The following CATSPERT variants were observed in gnomAD, a reference collection of about 807,000 sequenced individuals.
The protein encoded by CATSPERT is catsper channel auxiliary subunit tau.
chr2:201,591,572 G>A, the CATSPERT span, among the ~76,000 whole-genome samples: 1 of 152,134 alleles, frequency 6.6e-6, no homozygotes, highest in Non-Finnish European at 1.5e-5. Flanking sequence ...AAATTACCTT[G>A]GGCAGTATGG....
the CATSPERT span, among the ~76,000 whole-genome samples, chr2:201,514,667 G>C: frequency 6.6e-6 from 1 of 152,190 alleles, no homozygotes; most frequent in African/African-American, 2.4e-5. Context: ...TCATTGAACT[G>C]TCCACATAAA....
the CATSPERT span, among the ~76,000 whole-genome samples, chr2:201,582,519 A>T: frequency 6.6e-6 from 1 of 152,144 alleles, no homozygotes; most frequent in Non-Finnish European, 1.5e-5. Context: ...TCTCTTTTTA[A>T]CACTACACAA....
the CATSPERT span, among the ~76,000 whole-genome samples, chr2:201,563,411 G>T: frequency 9.2e-6 from 1 of 108,984 alleles, no homozygotes; most frequent in Non-Finnish European, 2.0e-5. Flanking sequence ...CTGGCCGGGC[G>T]GGGGGCTGAC....
chr2:201,579,619 T>G, the CATSPERT span, among the ~76,000 whole-genome samples: 1 of 152,108 alleles, frequency 6.6e-6, no homozygotes, highest in South Asian at 2.1e-4. Flanking sequence ...GAATCTGTAT[T>G]CAGTCAAATG....
chr2:201,555,416 G>A, the CATSPERT span: 2 of 152,198 alleles, frequency 1.3e-5, no homozygotes, highest in Non-Finnish European at 2.9e-5. Context: ...TCAGGAGGCT[G>A]AGGCACAAGA....
At chr2:201,542,895 C>T in the CATSPERT span, among the ~76,000 whole-genome samples, 1 of 151,986 alleles carries the variant, frequency 6.6e-6, no homozygotes, top group East Asian at 1.9e-4. Flanking sequence ...TTGCCTGTGC[C>T]TTTGGTGTCT....
the CATSPERT span, among the ~76,000 whole-genome samples, chr2:201,513,225 G>A: frequency 1.3e-5 from 2 of 151,990 alleles, no homozygotes; most frequent in African/African-American, 4.8e-5. Flanking sequence ...TATAAGGAAT[G>A]TAAACAATTG....
chr2:201,588,598 C>CTTTT, the CATSPERT span, among the ~76,000 whole-genome samples: 1 of 141,644 alleles, frequency 7.1e-6, no homozygotes, highest in Non-Finnish European at 1.5e-5. Context: ...GTTCCCTACT[C>CTTTT]TTTTTTTTTT....
At chr2:201,535,953 C>A in the CATSPERT span, 2 of 1,589,910 alleles carry the variant, frequency 1.3e-6, no homozygotes, top group Non-Finnish European at 8.6e-7. Context: ...GTTTTGCCAG[C>A]TAATTTCTGT....
At chr2:201,611,760 A>T in the CATSPERT span, among the ~76,000 whole-genome samples, 1 of 152,194 alleles carries the variant, frequency 6.6e-6, no homozygotes, top group Non-Finnish European at 1.5e-5. Flanking sequence ...GATGAATGCT[A>T]GTATCCCTAA....
At chr2:201,580,879 C>T in the CATSPERT span, among the ~76,000 whole-genome samples, 2 of 152,156 alleles carry the variant, frequency 1.3e-5, no homozygotes, top group African/African-American at 2.4e-5. Context: ...AAATCTTTGG[C>T]TAACCTCTAA....
the CATSPERT span, among the ~76,000 whole-genome samples, chr2:201,541,469 A>C: frequency 1.3e-5 from 2 of 148,558 alleles, no homozygotes; most frequent in Non-Finnish European, 3.0e-5. Context: ...CCCAGCCATT[A>C]AGATCAAGGC....
chr2:201,573,210 G>A, the CATSPERT span, among the ~76,000 whole-genome samples: 4 of 152,170 alleles, frequency 2.6e-5, no homozygotes, highest in Non-Finnish European at 4.4e-5. Context: ...AGGATATAAT[G>A]AGAGAAAAGG....
chr2:201,526,944 CAAA>C, the CATSPERT span, among the ~76,000 whole-genome samples: 1 of 152,170 alleles, frequency 6.6e-6, no homozygotes, highest in East Asian at 1.9e-4. Context: ...AAAATGCATC[CAAA>C]AAGGAAGTGA....
At chr2:201,590,952 A>G in the CATSPERT span, among the ~76,000 whole-genome samples, 188 of 152,126 alleles carry the variant, frequency 1.2e-3, no homozygotes, top group South Asian at 8.5e-3. Context: ...CTCTGATGGT[A>G]GTTTCTTTTG....
the CATSPERT span, chr2:201,536,053 T>C: frequency 3.7e-6 from 6 of 1,613,036 alleles, no homozygotes; most frequent in South Asian, 6.6e-5. Flanking sequence ...TTTAAAATGC[T>C]TGGATAGTTA....
chr2:201,494,987 T>C, the CATSPERT span, among the ~76,000 whole-genome samples: 402 of 152,280 alleles, frequency 2.6e-3, 3 homozygotes, highest in African/African-American at 8.9e-3. Context: ...TGTGTCCAAG[T>C]GCTTTTTGCT....
At chr2:201,570,232 T>G in the CATSPERT span, among the ~76,000 whole-genome samples, 4 of 152,284 alleles carry the variant, frequency 2.6e-5, no homozygotes, top group Admixed American at 2.6e-4. Context: ...AAACTCAGCC[T>G]GATCCAACTT....
the CATSPERT span, among the ~76,000 whole-genome samples, chr2:201,559,142 C>G: frequency 6.6e-6 from 1 of 152,210 alleles, no homozygotes; most frequent in Admixed American, 6.5e-5. Context: ...GAAACAGCCC[C>G]GTAGCACCCC....
Sources: allele counts gnomAD v4.1 joint callset (sites outside exome capture counted in the v4.1 genomes callset), GRCh38; gene constraint gnomAD v4.1.1; transcripts MANE v1.5; gene names NCBI Gene and HGNC (gene_info 2026-07-23, HGNC 2026-07-21).